The following PHF12 variants were observed in gnomAD, a reference collection of about 807,000 sequenced individuals.
PHF12 encodes the protein PHD factor 1.
Under a neutral mutation model 99.8 loss-of-function variants are expected in PHF12, and 6 were observed. That is an observed-to-expected ratio of 0.06 (90% CI 0.03 to 0.12). PHF12 has a LOEUF of 0.12. Ranked by LOEUF, PHF12 falls within the 10% of genes least tolerant of loss-of-function variation. The pLI is 1.00. For synonymous variants in PHF12, 480 were observed against 514.9 expected (o/e 0.93, Z 0.92); for missense variants, 954 against 1,300.1 (o/e 0.73, Z 4.09).
In PHF12 at chr17:28,949,913, C is replaced by CCCCGCTAAA; in HGVS notation, c.248+151_248+152insTTTAGCGGG. 1.2e-6 allele frequency: 1 copy of CCCCGCTAAA among 869,474 alleles called. No homozygotes were observed. The highest frequency in any genetic ancestry group is 1.7e-6 in the Non-Finnish European group (1 of 581,260). 53.9% of individuals were successfully genotyped at this position (869,474 alleles called of 1,614,324 possible). A position where few individuals can be genotyped will look rare whatever the true frequency, so the allele number is the denominator to read the frequency against. ...CTAAACTGCCAGAACCCGGCGGACA[C>CCCCGCTAAA]CTGGGGGCGGGGAGGTGCTCGCCCC... On this transcript the variant is annotated intron_variant, in intron 2 of 14. Transcript: ENST00000332830. The surrounding 1 kb of genome is among the most constrained non-coding windows in gnomAD (Gnocchi z 4.6).
chr17:28,922,651 C>A (rs1215610001), intron 4 of PHF12, among the ~76,000 whole-genome samples: 1 of 152,156 alleles, frequency 6.6e-6, no homozygotes, highest in Non-Finnish European at 1.5e-5. Flanking sequence ...CAAAGTTATT[C>A]TCTGAAGCAC....
chr17:28,945,807 T>C (rs1567973077), intron 2 of PHF12, among the ~76,000 whole-genome samples: 2 of 152,202 alleles, frequency 1.3e-5, no homozygotes, highest in Non-Finnish European at 2.9e-5. Flanking sequence ...ATAATTATGA[T>C]GAAGTCAGAT....
intron 12 of PHF12, 133 bp from the exon 13 acceptor site, chr17:28,907,805 A>T (rs1007425254): frequency 1.5e-6 from 1 of 674,286 alleles, no homozygotes; most frequent in South Asian, 1.7e-5. Context: ...TGAGTAGCTC[A>T]GGGCCCTCCC....
At chr17:28,919,038 C>T in intron 6 of PHF12, 105 bp downstream of exon 6, 2 of 1,409,068 alleles carry the variant, frequency 1.4e-6, no homozygotes. Context: ...GTACCTATGA[C>T]AATGTGGTGA....
chr17:28,946,956 CAT>C (rs1428251118), intron 2 of PHF12, among the ~76,000 whole-genome samples: 1 of 152,114 alleles, frequency 6.6e-6, no homozygotes, highest in Non-Finnish European at 1.5e-5. Context: ...CTTACTCTCA[CAT>C]GATAAAATTA....
chr17:28,949,995 G>T lies in PHF12; in HGVS notation c.248+70C>A. On this transcript the variant is annotated intron_variant, in intron 2 of 14. Coordinates refer to ENST00000332830, the MANE Select transcript of PHF12 (RefSeq NM_001033561.2). The surrounding 1 kb of genome is among the most constrained non-coding windows in gnomAD (Gnocchi z 4.6). ...AGCGCCCGTTATTTCGGCAGTCAGG[G>T]GCAGGCCGGGTGAAGGAATGCGCAG... is the stretch of plus-strand genomic sequence containing the variant. The T allele has an allele frequency of 6.9e-7, 1 of 1,453,708 alleles. No homozygotes were observed. Among genetic ancestry groups the T allele is most frequent in the Non-Finnish European group, 9.2e-7 (1 of 1,089,766 alleles). The allele number at this position is 1,453,708 out of a possible 1,614,324, so 90.1% of individuals were successfully genotyped here.
intron 2 of PHF12, chr17:28,944,546 G>A (rs1488357866): frequency 6.1e-6 from 6 of 980,490 alleles, no homozygotes; most frequent in East Asian, 2.3e-4. Flanking sequence ...AACATGACAC[G>A]TAAGGCAGGA....
At chr17:28,936,977 G>A (rs977329856) in intron 2 of PHF12, among the ~76,000 whole-genome samples, 2 of 152,110 alleles carry the variant, frequency 1.3e-5, no homozygotes, top group Non-Finnish European at 2.9e-5. Context: ...GGGGAGTGAA[G>A]GTGATCACTG....
chr17:28,907,670 C>T lies in PHF12; in HGVS notation c.2461G>A (p.Ala821Thr). The change falls in exon 13 of 15, where the codon GCT becomes ACT. Residue 821 changes from alanine (A) to threonine (T), a missense_variant and splice_region_variant. Transcript: ENST00000332830. ...CYRTLYIGTG[A>T]DMDVCLTNYG... ...TTTGTAAGGCACACATCCATGTCAG[C>T]TCCTGCAAGGTGGCAGGAGTAGAGG... The T allele has an allele frequency of 6.2e-7, 1 of 1,613,732 alleles. No homozygotes were observed.
chr17:28,912,776 C>A lies in PHF12; in HGVS notation c.1795G>T (p.Gly599Cys). Residue 599 changes from glycine (G) to cysteine (C), a missense_variant, in exon 9 of 15, where the codon GGC becomes TGC. Transcript: ENST00000332830. ...GCATTCTCTGTCTTCACAATGATGCCGACGGTGTGGTTCTGAAGGCCCCCA... is the reference window on the plus strand; with the variant it reads ...GCATTCTCTGTCTTCACAATGATGCAGACGGTGTGGTTCTGAAGGCCCCCA... The part of the protein sequence containing the change: ...AAGGLQNHTV[G>C]IIVKTENATG... The A allele has an allele frequency of 6.2e-7, 1 of 1,613,310 alleles. No individual in the cohort carries two copies. Among genetic ancestry groups the A allele is most frequent in the Non-Finnish European group, 8.5e-7 (1 of 1,179,478 alleles).
At chr17:28,930,069 C>A (rs2040367640) in intron 2 of PHF12, 1 of 152,082 alleles carries the variant, frequency 6.6e-6, no homozygotes, top group Non-Finnish European at 1.5e-5. Context: ...GAAGATAAGA[C>A]CCCTGTGGCC....
chr17:28,940,465 G>A (rs1045761984), intron 2 of PHF12, among the ~76,000 whole-genome samples: 2 of 152,226 alleles, frequency 1.3e-5, no homozygotes, highest in Non-Finnish European at 2.9e-5. Flanking sequence ...AGGTGCACAT[G>A]TAATTTACTT....
chr17:28,941,815 C>T (rs1415271506), intron 2 of PHF12, among the ~76,000 whole-genome samples: 1 of 152,172 alleles, frequency 6.6e-6, no homozygotes, highest in Non-Finnish European at 1.5e-5. Context: ...CCATGTTGGT[C>T]AGGCTGGTCT....
At chr17:28,931,075 CAAA>C (rs201578902) in intron 2 of PHF12, among the ~76,000 whole-genome samples, 1 of 151,942 alleles carries the variant, frequency 6.6e-6, no homozygotes, top group Admixed American at 6.6e-5. Context: ...ATAACAACAA[CAAA>C]AAACAAACAA....
At chr17:28,914,143 A>G in intron 7 of PHF12, 106 bp from the exon 8 acceptor site, 1 of 1,264,216 alleles carries the variant, frequency 7.9e-7, no homozygotes, top group Non-Finnish European at 1.1e-6. Flanking sequence ...TGCTCAAGGG[A>G]CCATCCACTC....
chr17:28,950,362 C>T lies in PHF12; in HGVS notation c.67-116G>A, dbSNP rs969605754. On this transcript the variant is annotated intron_variant, in intron 1 of 14. Transcript: ENST00000332830. This position sits in a 1 kb window ranked among gnomAD's most constrained non-coding sequence, Gnocchi z 5.7. ...TCTCCCCCCTTTTGTCCTTCTTCCT[C>T]CCATCCAGGCTGCTCCCAGAATCTC... The T allele has an allele frequency of 1.7e-6, 2 of 1,164,152 alleles. No homozygotes were observed. The highest frequency in any genetic ancestry group is 1.6e-5 in the African/African-American group (1 of 64,012). 72.1% of individuals were successfully genotyped at this position (1,164,152 alleles called of 1,614,324 possible). A position where few individuals can be genotyped will look rare whatever the true frequency, so the allele number is the denominator to read the frequency against.
intron 2 of PHF12, among the ~76,000 whole-genome samples, chr17:28,947,591 A>G (rs2152680010): frequency 6.6e-6 from 1 of 152,284 alleles, no homozygotes; most frequent in Admixed American, 6.5e-5. Context: ...GAAAAAAACA[A>G]ACAAACAAAA....
chr17:28,907,726 G>A, intron 12 of PHF12, 54 bp from the exon 13 acceptor site: 1 of 1,548,374 alleles, frequency 6.5e-7, no homozygotes, highest in East Asian at 2.3e-5. Flanking sequence ...ATTGTAAGGT[G>A]CATGTGTCGG....
chr17:28,918,749 A>G (rs1380534171), intron 6 of PHF12, among the ~76,000 whole-genome samples: 1 of 152,204 alleles, frequency 6.6e-6, no homozygotes, highest in African/African-American at 2.4e-5. Flanking sequence ...GGACCTTCAC[A>G]CTATTATTCA....
Sources: gnomAD v4.1 joint callset for allele counts (sites outside exome capture counted in the v4.1 genomes callset) on GRCh38, gnomAD v4.1.1 for gene constraint, Gnocchi (gnomAD v3.1) non-coding constraint, MANE v1.5 for transcripts, NCBI Gene and HGNC (gene_info 2026-07-23, HGNC 2026-07-21) for gene names.